Variants in EPB41L4B observed in about 807,000 individuals in gnomAD.
The protein encoded by EPB41L4B is erythrocyte membrane protein band 4.1 like 4B.
A neutral mutation model predicts 112.5 loss-of-function variants in EPB41L4B; 30 were observed. That is an observed-to-expected ratio of 0.27 (90% CI 0.20 to 0.36). The LOEUF (loss-of-function observed/expected upper bound fraction) is 0.36. Ranked by LOEUF, EPB41L4B falls within the 10% of genes least tolerant of loss-of-function variation. The probability of loss-of-function intolerance (pLI) is 1.00; values close to 1 mark genes in which losing one functional copy is unlikely to be tolerated. For missense variants in EPB41L4B, 1,024 were observed against 1,133.3 expected (o/e 0.90, Z 1.38); for synonymous variants, 408 against 439.7 (o/e 0.93, Z 0.90).
intron 6 of EPB41L4B, among the ~76,000 whole-genome samples, chr9:109,259,920 T>C (rs551147686): frequency 5.9e-5 from 9 of 152,220 alleles, no homozygotes; most frequent in African/African-American, 2.2e-4. Context: ...AGAGATGCTC[T>C]AGTGATCCTT....
Position 109,204,941 on chromosome 9 carries a change from C to A in EPB41L4B, c.1879-1211G>T, listed in dbSNP as rs150391532. On this transcript the variant is annotated intron_variant, in intron 18 of 25. Transcript: ENST00000374566. ...AGTATACTTGGCTGTGCATCAACCTCCTCTCCCTCCATCACAACCCCTCAA... is the reference window on the plus strand; with the variant it reads ...AGTATACTTGGCTGTGCATCAACCTACTCTCCCTCCATCACAACCCCTCAA... Among the ~76,000 whole-genome samples, 5 of 152,282 alleles carry A rather than the reference C, an allele frequency of 3.3e-5. No individual in the cohort carries two copies. The East Asian group carries it at 9.6e-4, about 29-fold the overall frequency.
chr9:109,305,057 C>A (rs1837123934), intron 1 of EPB41L4B, among the ~76,000 whole-genome samples: 1 of 151,986 alleles, frequency 6.6e-6, no homozygotes. Context: ...CTTGCAAAAA[C>A]TAAAAAGGTC....
intron 15 of EPB41L4B, among the ~76,000 whole-genome samples, chr9:109,236,318 G>A (rs902546377): frequency 4.6e-5 from 7 of 151,946 alleles, no homozygotes; most frequent in African/African-American, 1.7e-4. Flanking sequence ...GCATTTTTCT[G>A]CTTCACCTTG....
At chr9:109,186,885 G>A (rs529734243) in intron 22 of EPB41L4B, among the ~76,000 whole-genome samples, 1 of 152,310 alleles carries the variant, frequency 6.6e-6, no homozygotes, top group East Asian at 1.9e-4. Context: ...CCCAGCCGTG[G>A]CATCTCGTTT....
rs867351155 is a variant in EPB41L4B at position 109,320,497 on chromosome 9, G to A, written c.-51C>T. The A allele has an allele frequency of 4.8e-3, 4,474 of 935,122 alleles. 13 individuals carry two copies. The highest frequency in any genetic ancestry group is 5.4e-3 in the Non-Finnish European group (4,240 of 786,832). 57.9% of individuals were successfully genotyped at this position (935,122 alleles called of 1,614,324 possible). On this transcript the variant is annotated 5_prime_UTR_variant, in exon 1 of 26. Transcript: ENST00000374566. The stretch of plus-strand genomic sequence containing the variant: ...CGCCCCCTGCGCTGCCGCTGCCGCT[G>A]CCGCTGCCGCTGCGCCGCCGCCCGG...
intron 1 of EPB41L4B, among the ~76,000 whole-genome samples, chr9:109,316,321 C>T (rs956034753): frequency 6.6e-6 from 1 of 152,196 alleles, no homozygotes; most frequent in South Asian, 2.1e-4. Context: ...ACTGGCCGAC[C>T]GCACATCCTA....
At chr9:109,239,507 T>C (rs1020289676) in intron 15 of EPB41L4B, among the ~76,000 whole-genome samples, 5 of 152,062 alleles carry the variant, frequency 3.3e-5, no homozygotes, top group African/African-American at 1.2e-4. Flanking sequence ...GGGTAGACTG[T>C]GGTGAAAAGA....
At chr9:109,207,480 G>C (rs1271422999) in intron 18 of EPB41L4B, among the ~76,000 whole-genome samples, 4 of 152,212 alleles carry the variant, frequency 2.6e-5, no homozygotes, top group African/African-American at 9.7e-5. Flanking sequence ...GCTGAGGCAG[G>C]AGGATTGATT....
At chr9:109,258,350 AT>A in intron 6 of EPB41L4B, 53 bp from the exon 7 acceptor site, 1 of 1,591,966 alleles carries the variant, frequency 6.3e-7, no homozygotes, top group Non-Finnish European at 8.6e-7. Context: ...GATTTCAGTT[AT>A]TGCTGCAACC....
chr9:109,205,259 T>A (rs908762928), intron 18 of EPB41L4B, among the ~76,000 whole-genome samples: 91 of 152,342 alleles, frequency 6.0e-4, no homozygotes, highest in African/African-American at 2.2e-3. Context: ...ACTCCCCTGC[T>A]TTTTTCCTGC....
At chr9:109,274,428 C>T (rs952834597) in intron 2 of EPB41L4B, among the ~76,000 whole-genome samples, 1 of 152,146 alleles carries the variant, frequency 6.6e-6, no homozygotes, top group African/African-American at 2.4e-5. Flanking sequence ...ATCAGTAATA[C>T]GTAGACAGTC....
At chr9:109,221,419 C>T (rs145800780) in intron 15 of EPB41L4B, among the ~76,000 whole-genome samples, 12 of 152,294 alleles carry the variant, frequency 7.9e-5, no homozygotes, top group African/African-American at 2.6e-4. Flanking sequence ...GAAAATTCCC[C>T]TTTGCTTGGA....
intron 1 of EPB41L4B, among the ~76,000 whole-genome samples, chr9:109,303,190 AG>A (rs1837044067): frequency 6.6e-6 from 1 of 152,252 alleles, no homozygotes; most frequent in East Asian, 1.9e-4. Flanking sequence ...TTAGAAAAAA[AG>A]AGGCAAGAAT....
At chr9:109,186,434 G>A (rs1832268207) in intron 22 of EPB41L4B, among the ~76,000 whole-genome samples, 2 of 151,262 alleles carry the variant, frequency 1.3e-5, no homozygotes, top group African/African-American at 2.4e-5. Flanking sequence ...TGATCCACCC[G>A]CCTCGGCCTC....
At chr9:109,223,984 A>C (rs1351917919) in intron 15 of EPB41L4B, among the ~76,000 whole-genome samples, 1 of 152,106 alleles carries the variant, frequency 6.6e-6, no homozygotes, top group African/African-American at 2.4e-5. Context: ...GTGCCACTGC[A>C]CTCCAGCCTG....
chr9:109,248,586 C>T (rs1475300472), intron 13 of EPB41L4B, among the ~76,000 whole-genome samples: 1 of 152,136 alleles, frequency 6.6e-6, no homozygotes, highest in Non-Finnish European at 1.5e-5. Context: ...CTCAGGGCTC[C>T]TCATCATGAT....
At chr9:109,303,470 C>G (rs971868492) in intron 1 of EPB41L4B, among the ~76,000 whole-genome samples, 1 of 152,064 alleles carries the variant, frequency 6.6e-6, no homozygotes, top group African/African-American at 2.4e-5. Context: ...CTCAGCCTCC[C>G]AAGTAGCTGG....
rs1175574241 is a variant in EPB41L4B, at chr9:109,214,043, T to C, written c.1634-225A>G. On this transcript the variant is annotated intron_variant, in intron 16 of 25. Transcript: ENST00000374566. ...CACACATGAGCTGGACGCCCCTGGG[T>C]ACGTTGTTTTGCCTCTCTGACCCTC... Among the ~76,000 whole-genome samples, 3 of 152,182 alleles carry C rather than the reference T, an allele frequency of 2.0e-5. No individual in the cohort carries two copies. In the East Asian group the frequency reaches 5.8e-4, roughly 29 times the overall value.
intron 4 of EPB41L4B, among the ~76,000 whole-genome samples, chr9:109,266,059 C>G (rs1835390359): frequency 6.6e-6 from 1 of 152,188 alleles, no homozygotes; most frequent in Non-Finnish European, 1.5e-5. Flanking sequence ...CACCACTGAA[C>G]TTCACTTCTG....
Sources: gnomAD v4.1 joint callset for allele counts (sites outside exome capture counted in the v4.1 genomes callset) on GRCh38, gnomAD v4.1.1 for gene constraint, MANE v1.5 for transcripts, NCBI Gene and HGNC (gene_info 2026-07-23, HGNC 2026-07-21) for gene names.